FOXP2: variants seen among roughly 807,000 people sequenced by gnomAD.
The protein encoded by FOXP2 is forkhead box P2.
In FOXP2, 12 loss-of-function variants were observed where a neutral mutation model predicts 115.8. The ratio of observed to expected loss-of-function variants is 0.10; its 90% CI spans 0.07 to 0.17. The LOEUF is 0.17. Ranked by LOEUF, FOXP2 falls within the 10% of genes least tolerant of loss-of-function variation. The pLI is 1.00. For missense variants in FOXP2, 629 were observed against 843.5 expected, an observed-to-expected ratio of 0.75 and a Z score of 3.15; for synonymous variants, 328 against 297.7, an observed-to-expected ratio of 1.10 and a Z score of -1.05.
intron 2 of FOXP2, among the ~76,000 whole-genome samples, chr7:114,496,335 C>T (rs565385970): frequency 1.4e-4 from 22 of 152,022 alleles, no homozygotes; most frequent in Non-Finnish European, 2.6e-4. Flanking sequence ...GTACATGCTT[C>T]AATTGATGTC....
At chr7:114,366,094 A>G (rs1187401455) in intron 2 of FOXP2, among the ~76,000 whole-genome samples, 2 of 152,126 alleles carry the variant, frequency 1.3e-5, no homozygotes, top group Non-Finnish European at 2.9e-5. Context: ...GCAGACTACC[A>G]CAGGAAGCAG....
At chr7:114,439,919 A>G (rs1205641780) in intron 2 of FOXP2, among the ~76,000 whole-genome samples, 1 of 152,156 alleles carries the variant, frequency 6.6e-6, no homozygotes, top group Admixed American at 6.5e-5. Flanking sequence ...TTTATAGTTT[A>G]TCTTTGACAG....
intron 2 of FOXP2, among the ~76,000 whole-genome samples, chr7:114,469,386 G>A (rs1282528252): frequency 6.6e-6 from 1 of 152,140 alleles, no homozygotes; most frequent in African/African-American, 2.4e-5. Flanking sequence ...TTGGGTCAAT[G>A]CTTTCTGGAC....
At chr7:114,362,754 G>T (rs542995632) in intron 2 of FOXP2, among the ~76,000 whole-genome samples, 2 of 152,138 alleles carry the variant, frequency 1.3e-5, no homozygotes, top group African/African-American at 4.8e-5. Flanking sequence ...AAAAAAATAT[G>T]CATTCAGCAA....
At chr7:114,163,700 T>C (rs1258699023) in intron 1 of FOXP2, among the ~76,000 whole-genome samples, 1 of 152,226 alleles carries the variant, frequency 6.6e-6, no homozygotes, top group African/African-American at 2.4e-5. Flanking sequence ...ATTTTGTTGC[T>C]GTTCAGAAGT....
At chr7:114,090,137 A>C (rs1799513297) in intron 1 of FOXP2, among the ~76,000 whole-genome samples, 1 of 152,054 alleles carries the variant, frequency 6.6e-6, no homozygotes, top group Admixed American at 6.5e-5. Context: ...GATGAACGTC[A>C]TGTATTTTCT....
chr7:114,256,120 G>A (rs1345285282), intron 1 of FOXP2, among the ~76,000 whole-genome samples: 1 of 150,782 alleles, frequency 6.6e-6, no homozygotes, highest in Non-Finnish European at 1.5e-5. Flanking sequence ...TTTTTTGTTT[G>A]AGACAGAGTT....
At chr7:114,134,700 G>T (rs1055363352) in intron 1 of FOXP2, among the ~76,000 whole-genome samples, 1 of 117,572 alleles carries the variant, frequency 8.5e-6, no homozygotes, top group African/African-American at 3.2e-5. Flanking sequence ...GCGACAGAGC[G>T]AGACTCCGTC....
At chr7:114,387,519 G>C (rs1792482978) in intron 2 of FOXP2, among the ~76,000 whole-genome samples, 1 of 152,072 alleles carries the variant, frequency 6.6e-6, no homozygotes, top group Non-Finnish European at 1.5e-5. Flanking sequence ...CTTTTATTTA[G>C]GTTTTTTGGA....
In FOXP2 at chr7:114,693,081, T is replaced by TA. The variant is rs770847003; in HGVS notation, c.*3158dup. The TA allele has an allele frequency of 9.0e-5, 41 of 453,826 alleles. No individual in the cohort carries two copies. Among genetic ancestry groups the TA allele is most frequent in the Non-Finnish European group, 1.5e-4 (34 of 226,672 alleles). The allele number at this position is 453,826 out of a possible 1,614,324, so 28.1% of individuals were successfully genotyped here. A position where few individuals can be genotyped will look rare whatever the true frequency, so the allele number is the denominator to read the frequency against. On this transcript the variant is annotated 3_prime_UTR_variant, in exon 17 of 17. Transcript: ENST00000350908. Reference sequence around the variant, plus strand: ...TTTAGTCTACAAAGACACAATTGCTTAAACCTAGTGGGCTTAAGGCTTATA... The same window carrying TA: ...TTTAGTCTACAAAGACACAATTGCTTAAAACCTAGTGGGCTTAAGGCTTATA...
At chr7:114,139,889 G>A (rs974372408) in intron 1 of FOXP2, among the ~76,000 whole-genome samples, 1 of 152,074 alleles carries the variant, frequency 6.6e-6, no homozygotes, top group Non-Finnish European at 1.5e-5. Flanking sequence ...GAGGTGGGCG[G>A]ATTGCCTGAG....
At chr7:114,367,280 A>G (rs564653512) in intron 2 of FOXP2, among the ~76,000 whole-genome samples, 1 of 152,256 alleles carries the variant, frequency 6.6e-6, no homozygotes, top group Admixed American at 6.5e-5. Context: ...TTTTGAAGGT[A>G]TTCAAATTCA....
intron 1 of FOXP2, among the ~76,000 whole-genome samples, chr7:114,260,083 A>G (rs901317115): frequency 1.3e-5 from 2 of 151,596 alleles, no homozygotes; most frequent in Non-Finnish European, 1.5e-5. Context: ...GTAAAGACAG[A>G]GTTTCATCAT....
At chr7:114,662,257 CTGGGGTGGG>C in intron 14 of FOXP2, 71 bp downstream of exon 14, 4 of 1,597,798 alleles carry the variant, frequency 2.5e-6, no homozygotes, top group Non-Finnish European at 3.4e-6. Context: ...TAAGTTGGGG[CTGGGGTGGG>C]GAGACAGTTA....
chr7:114,528,978 C>T (rs1799009221), intron 2 of FOXP2, among the ~76,000 whole-genome samples: 1 of 151,694 alleles, frequency 6.6e-6, no homozygotes, highest in Non-Finnish European at 1.5e-5. Context: ...TTATCTTTAC[C>T]TTTCATTCCT....
At chr7:114,257,451 C>CTTTTTTTTT (rs35852445) in intron 1 of FOXP2, among the ~76,000 whole-genome samples, 6 of 92,190 alleles carry the variant, frequency 6.5e-5, no homozygotes, top group East Asian at 5.4e-4. Context: ...TCTTTTCTTT[C>CTTTTTTTTT]TTTTTTTTTT....
At chr7:114,419,210 T>C (rs1192977906) in intron 1 of FOXP2, among the ~76,000 whole-genome samples, 1 of 151,958 alleles carries the variant, frequency 6.6e-6, no homozygotes, top group Non-Finnish European at 1.5e-5. Context: ...ATTAAATATA[T>C]ACTTTATGAC....
intron 2 of FOXP2, among the ~76,000 whole-genome samples, chr7:114,290,156 T>C (rs567896232): frequency 1.3e-5 from 2 of 152,146 alleles, no homozygotes; most frequent in East Asian, 3.9e-4. Context: ...CTCTGCTCCC[T>C]TCCCCCTAGA....
intron 3 of FOXP2, among the ~76,000 whole-genome samples, chr7:114,604,074 T>C: frequency 6.6e-6 from 1 of 152,188 alleles, no homozygotes; most frequent in East Asian, 1.9e-4. Flanking sequence ...CAAATTACCA[T>C]AACGTGAGTG....
Sources: allele counts gnomAD v4.1 joint callset (sites outside exome capture counted in the v4.1 genomes callset), GRCh38; gene constraint gnomAD v4.1.1; transcripts MANE v1.5; gene names NCBI Gene and HGNC (gene_info 2026-07-23, HGNC 2026-07-21).